The following TRIP11 variants were observed in gnomAD, a reference collection of about 807,000 sequenced individuals.
TRIP11 encodes thyroid receptor-interacting protein 11.
Under a neutral mutation model 223.1 loss-of-function variants are expected in TRIP11, and 148 were observed. The ratio of observed to expected loss-of-function variants is 0.66; its 90% CI spans 0.58 to 0.76. TRIP11 has a LOEUF of 0.76. Among genes scored for constraint, TRIP11 ranks in the 30% least tolerant of loss-of-function variants. The pLI is 0.00. For synonymous variants in TRIP11, 762 were observed against 772.6 expected, an observed-to-expected ratio of 0.99 and a Z score of 0.23; for missense variants, 2,043 against 2,222.0, an observed-to-expected ratio of 0.92 and a Z score of 1.62.
intron 16 of TRIP11, among the ~76,000 whole-genome samples, chr14:91,984,608 G>A (rs1345444377): frequency 3.3e-5 from 5 of 152,108 alleles, no homozygotes; most frequent in African/African-American, 9.7e-5. Flanking sequence ...GAGCCACCAC[G>A]TCCGGCCAAA....
chr14:92,007,881 C>A (rs1028178390), intron 9 of TRIP11, 29 bp from the exon 10 acceptor site: 1 of 1,553,126 alleles, frequency 6.4e-7, no homozygotes, highest in Admixed American at 1.8e-5. Flanking sequence ...AAAAGCAACA[C>A]ATACTTTCAA....
At chr14:92,036,581 T>C (rs1382873721) in intron 1 of TRIP11, among the ~76,000 whole-genome samples, 1 of 152,238 alleles carries the variant, frequency 6.6e-6, no homozygotes, top group Non-Finnish European at 1.5e-5. Context: ...TCAGTAGTGT[T>C]AGGTAAAACT....
At chr14:91,989,831 T>G (rs1292695887) in intron 15 of TRIP11, among the ~76,000 whole-genome samples, 1 of 152,156 alleles carries the variant, frequency 6.6e-6, no homozygotes, top group Non-Finnish European at 1.5e-5. Flanking sequence ...AAGCCAGGGT[T>G]TAGCCTTCCC....
intron 13 of TRIP11, among the ~76,000 whole-genome samples, 180 bp downstream of exon 13, chr14:91,999,060 A>C (rs953158783): frequency 2.0e-5 from 3 of 152,182 alleles, no homozygotes; most frequent in East Asian, 1.9e-4. Flanking sequence ...TGAAACCCCC[A>C]CACACACTCT....
At chr14:91,992,248 A>G (rs1266614989) in intron 15 of TRIP11, among the ~76,000 whole-genome samples, 2 of 152,040 alleles carry the variant, frequency 1.3e-5, no homozygotes, top group Non-Finnish European at 2.9e-5. Context: ...CAGAAAAAGA[A>G]AAAAGAAAAC....
chr14:92,004,751 A>C lies in TRIP11; in HGVS notation c.3225T>G (p.Ile1075Met). The change falls in exon 11 of 21, where the codon ATT becomes ATG. Residue 1075 changes from isoleucine to methionine, a missense_variant. Physicochemically the swap from Ile to Met is conservative, Grantham distance 10 (BLOSUM62 1). Coordinates refer to ENST00000267622, the MANE Select transcript of TRIP11 (RefSeq NM_004239.4). Reference sequence around the variant, plus strand: ...CATCTTGAGTATGGGAAGTTGAAGAAATTCTAGCATGAAGAGCTTGTATCT... The same window carrying C: ...CATCTTGAGTATGGGAAGTTGAAGACATTCTAGCATGAAGAGCTTGTATCT... The part of the protein sequence containing the change: ...DLEIQALHAR[I>M]SSTSHTQDVV... 1 of 1,614,170 alleles carries C rather than the reference A, an allele frequency of 6.2e-7. No homozygotes were observed. Among genetic ancestry groups the C allele is most frequent in the East Asian group, 2.2e-5 (1 of 44,872 alleles).
intron 16 of TRIP11, among the ~76,000 whole-genome samples, chr14:91,981,012 ATTT>A (rs564098716): frequency 2.0e-3 from 100 of 49,896 alleles, no homozygotes; most frequent in African/African-American, 5.2e-3. Context: ...ATATATATAT[ATTT>A]TTTTTTTTTT....
chr14:91,971,794 T>G (rs989241769), intron 20 of TRIP11, among the ~76,000 whole-genome samples: 1 of 152,206 alleles, frequency 6.6e-6, no homozygotes, highest in Non-Finnish European at 1.5e-5. Context: ...CCTAAAGGAC[T>G]GATAAATTTT....
At chr14:91,990,183 GA>G (rs2056654997) in intron 15 of TRIP11, among the ~76,000 whole-genome samples, 4 of 109,190 alleles carry the variant, frequency 3.7e-5, no homozygotes, top group Non-Finnish European at 7.6e-5. Context: ...TAGAGGGAAT[GA>G]AATTGAAAAT....
intron 7 of TRIP11, among the ~76,000 whole-genome samples, chr14:92,013,193 G>C (rs1326739753): frequency 6.6e-6 from 1 of 152,160 alleles, no homozygotes; most frequent in Non-Finnish European, 1.5e-5. Context: ...CTTGAACCCG[G>C]GAGGTGGAGG....
chr14:91,974,831 G>T, intron 18 of TRIP11, 88 bp from the exon 19 acceptor site: 1 of 1,089,630 alleles, frequency 9.2e-7, no homozygotes, highest in Non-Finnish European at 1.3e-6. Context: ...TCTGATAGTT[G>T]TAAAGCATGC....
intron 2 of TRIP11, 26 bp downstream of exon 2, chr14:92,033,166 T>C (rs1443393473): frequency 6.3e-7 from 1 of 1,599,948 alleles, no homozygotes; most frequent in Non-Finnish European, 8.6e-7. Context: ...AAAAGAAAAA[T>C]CTAAGTAGTC....
chr14:91,973,399 C>T (rs1184234067), intron 19 of TRIP11, among the ~76,000 whole-genome samples: 1 of 152,172 alleles, frequency 6.6e-6, no homozygotes, highest in East Asian at 1.9e-4. Context: ...GATGGTAACA[C>T]TCACTTCTAA....
chr14:92,018,923 T>C (rs911212003), intron 4 of TRIP11, among the ~76,000 whole-genome samples: 3 of 129,212 alleles, frequency 2.3e-5, no homozygotes, highest in African/African-American at 8.8e-5. Flanking sequence ...ATCCCACCAC[T>C]GCACTCCAGC....
chr14:92,020,398 T>G (rs1027661557), intron 4 of TRIP11, among the ~76,000 whole-genome samples: 3 of 152,180 alleles, frequency 2.0e-5, no homozygotes, highest in African/African-American at 7.2e-5. Context: ...GAAGAAAGTT[T>G]ACAGCCCCAA....
chr14:92,005,157 AT>A lies in TRIP11; in HGVS notation c.2818del (p.Met940TrpfsTer11), dbSNP rs2056882445. On this transcript the variant is annotated frameshift_variant, in exon 11 of 21. Transcript: ENST00000267622. LOFTEE classifies it high-confidence loss of function. ...LQSLQEQKKE[M>X]DEFRYQHEQM... ...CTCATGCTGGTATCTAAACTCATCC[AT>A]TTCCTTCTTTTGCTCTTGTAAAGAC... 1 of 1,613,614 alleles carries A rather than the reference AT, an allele frequency of 6.2e-7. No homozygotes were observed. Among genetic ancestry groups the A allele is most frequent in the African/African-American group, 1.3e-5 (1 of 74,972 alleles).
intron 12 of TRIP11, 57 bp downstream of exon 12, chr14:91,999,906 GTTCTC>G: frequency 6.3e-7 from 1 of 1,598,322 alleles, no homozygotes; most frequent in Non-Finnish European, 8.6e-7. Context: ...CACCTTTCCA[GTTCTC>G]TTAATAGTTA....
chr14:91,986,957 G>T (rs2056611158), intron 16 of TRIP11, among the ~76,000 whole-genome samples: 1 of 152,160 alleles, frequency 6.6e-6, no homozygotes, highest in Non-Finnish European at 1.5e-5. Flanking sequence ...CCATTTTCCT[G>T]ATAGGGCTAC....
At chr14:92,009,532 G>C (rs760013556) in intron 9 of TRIP11, among the ~76,000 whole-genome samples, 5 of 152,240 alleles carry the variant, frequency 3.3e-5, no homozygotes, top group Admixed American at 2.6e-4. Flanking sequence ...AGGTCAGTCA[G>C]GTAAAGAGCA....
Sources: gnomAD v4.1 joint callset for allele counts (sites outside exome capture counted in the v4.1 genomes callset) on GRCh38, gnomAD v4.1.1 for gene constraint, MANE v1.5 for transcripts, NCBI Gene and HGNC (gene_info 2026-07-23, HGNC 2026-07-21) for gene names.